Variants in TENM4 observed in about 807,000 individuals in gnomAD.
The protein encoded by TENM4 is teneurin transmembrane protein 4.
TENM4 carries 82 observed loss-of-function variants against 243.3 expected under a neutral mutation model. That is an observed-to-expected ratio of 0.34 (90% CI 0.28 to 0.40). The LOEUF is 0.40. TENM4 is among the 10% of genes least tolerant of loss of function. The probability of loss-of-function intolerance (pLI) is 1.00; values close to 1 mark genes in which losing one functional copy is unlikely to be tolerated. For synonymous variants in TENM4, 1,412 were observed against 1,456.3 expected (o/e 0.97, Z 0.69); for missense variants, 3,138 against 3,673.3 (o/e 0.85, Z 3.77).
intron 6 of TENM4, among the ~76,000 whole-genome samples, chr11:78,965,963 G>A (rs955559403): frequency 6.6e-6 from 1 of 152,142 alleles, no homozygotes; most frequent in East Asian, 1.9e-4. Flanking sequence ...TTTCTGTTTA[G>A]TATGTTTTTT....
At chr11:79,195,144 G>A (rs1863597699) in intron 3 of TENM4, among the ~76,000 whole-genome samples, 1 of 152,228 alleles carries the variant, frequency 6.6e-6, no homozygotes, top group South Asian at 2.1e-4. Context: ...TGAGGTTTGG[G>A]AACCTCTGCC....
intron 9 of TENM4, among the ~76,000 whole-genome samples, chr11:78,885,015 T>C (rs75527890): frequency 0.01 from 1,550 of 152,362 alleles, 20 homozygotes; most frequent in African/African-American, 0.035. Context: ...TTATGAATGA[T>C]AAACAGCAGC....
intron 2 of TENM4, among the ~76,000 whole-genome samples, chr11:79,223,032 G>A (rs987408648): frequency 2.0e-5 from 3 of 152,156 alleles, no homozygotes; most frequent in African/African-American, 7.2e-5. Flanking sequence ...AATGCATGTG[G>A]GGATTAATAA....
intron 19 of TENM4, among the ~76,000 whole-genome samples, chr11:78,746,930 G>C (rs1247625540): frequency 6.6e-6 from 1 of 152,170 alleles, no homozygotes; most frequent in Non-Finnish European, 1.5e-5. Context: ...CATGTGTCTC[G>C]CCTTCTGTCA....
intron 19 of TENM4, among the ~76,000 whole-genome samples, chr11:78,741,792 G>A (rs1477270195): frequency 6.6e-6 from 1 of 152,290 alleles, no homozygotes; most frequent in South Asian, 2.1e-4. Context: ...TGCTTTGAAC[G>A]TAGAACTCCG....
intron 8 of TENM4, among the ~76,000 whole-genome samples, chr11:78,890,767 A>C (rs1243410915): frequency 6.6e-6 from 1 of 152,210 alleles, no homozygotes; most frequent in Non-Finnish European, 1.5e-5. Context: ...TGACCAAACT[A>C]GGTGTCAGGA....
chr11:79,365,688 A>G (rs1340685023), intron 1 of TENM4, among the ~76,000 whole-genome samples: 1 of 152,162 alleles, frequency 6.6e-6, no homozygotes, highest in East Asian at 1.9e-4. Flanking sequence ...TGCATAGGTT[A>G]GTGTTCTACC....
intron 1 of TENM4, among the ~76,000 whole-genome samples, chr11:79,426,528 A>G (rs1590958660): frequency 6.6e-6 from 1 of 152,248 alleles, no homozygotes; most frequent in East Asian, 1.9e-4. Flanking sequence ...GGATCCTGTG[A>G]TCATCCAGAT....
At chr11:78,997,877 G>A (rs1403625036) in intron 6 of TENM4, among the ~76,000 whole-genome samples, 6 of 152,150 alleles carry the variant, frequency 3.9e-5, no homozygotes, top group African/African-American at 1.4e-4. Context: ...AGGTGGGACC[G>A]TGATGACAGG....
chr11:79,380,944 G>C (rs1315487533), intron 1 of TENM4, among the ~76,000 whole-genome samples: 31 of 152,158 alleles, frequency 2.0e-4, no homozygotes, highest in Admixed American at 2.0e-3. Flanking sequence ...TTTCTCAACT[G>C]TCTGGTGAGA....
chr11:79,383,565 A>G (rs1313482216), intron 1 of TENM4, among the ~76,000 whole-genome samples: 1 of 152,190 alleles, frequency 6.6e-6, no homozygotes, highest in Non-Finnish European at 1.5e-5. Flanking sequence ...AACCTGCTCA[A>G]TCACCACCTC....
Position 79,065,472 on chromosome 11 carries a change from A to C in TENM4, c.224-465T>G, listed in dbSNP as rs918475450. On this transcript the variant is annotated intron_variant, in intron 5 of 33. Transcript: ENST00000278550. Reference sequence around the variant, plus strand: ...GCAGTACTCAGAAGGGGCTCAATAAATGCTTGTTAAAATGAATTGAGGGCT... The same window carrying C: ...GCAGTACTCAGAAGGGGCTCAATAACTGCTTGTTAAAATGAATTGAGGGCT... Among the ~76,000 whole-genome samples the C allele has an allele frequency of 3.0e-4, 45 of 152,182 alleles. 1 individual carries two copies. Among genetic ancestry groups the C allele is most frequent in the Admixed American group, 7.8e-4 (12 of 15,290 alleles).
chr11:78,987,745 C>T (rs1023829924), intron 6 of TENM4, among the ~76,000 whole-genome samples: 1 of 152,196 alleles, frequency 6.6e-6, no homozygotes, highest in African/African-American at 2.4e-5. Context: ...TAGCCACTTT[C>T]TATCTTGTAG....
chr11:78,668,562 G>T (rs1296569927), intron 32 of TENM4, among the ~76,000 whole-genome samples: 1 of 152,054 alleles, frequency 6.6e-6, no homozygotes, highest in Non-Finnish European at 1.5e-5. Context: ...TGCAATCCAT[G>T]GGATGTATCC....
At chr11:79,389,730 TC>T (rs1315967493) in intron 1 of TENM4, among the ~76,000 whole-genome samples, 5 of 152,194 alleles carry the variant, frequency 3.3e-5, no homozygotes, top group African/African-American at 4.8e-5. Context: ...CAAAATGTTA[TC>T]CCCCACAAAA....
intron 6 of TENM4, among the ~76,000 whole-genome samples, chr11:78,913,281 T>C (rs1202285731): frequency 6.6e-6 from 1 of 152,164 alleles, no homozygotes; most frequent in Non-Finnish European, 1.5e-5. Flanking sequence ...TTGTCCTCGA[T>C]ACTGGAGACA....
At chr11:78,928,779 T>G (rs1180868985) in intron 6 of TENM4, among the ~76,000 whole-genome samples, 1 of 152,222 alleles carries the variant, frequency 6.6e-6, no homozygotes, top group Non-Finnish European at 1.5e-5. Flanking sequence ...GGAGCAGGCT[T>G]TAAAGTGACA....
chr11:79,213,304 A>G (rs1863986938), intron 3 of TENM4, among the ~76,000 whole-genome samples: 1 of 152,196 alleles, frequency 6.6e-6, no homozygotes, highest in Non-Finnish European at 1.5e-5. Flanking sequence ...AGTGCCTGCC[A>G]TGTGCCAGGC....
In TENM4 at chr11:79,052,711, C is replaced by T. The variant is rs941978493; in HGVS notation, c.493+12027G>A. Among the ~76,000 whole-genome samples the T allele has an allele frequency of 3.3e-5, 5 of 152,178 alleles. 1 individual carries two copies. The highest frequency in any genetic ancestry group is 2.9e-5 in the Non-Finnish European group (2 of 68,038). ...ATGCACCCTTTCAGTCTCTTGGGGTCGCCATCTGCTGGCCTCTCAGCCAAT... is the reference window on the plus strand; with the variant it reads ...ATGCACCCTTTCAGTCTCTTGGGGTTGCCATCTGCTGGCCTCTCAGCCAAT... On this transcript the variant is annotated intron_variant, in intron 6 of 33. Transcript: ENST00000278550.
Sources: allele counts gnomAD v4.1 joint callset (sites outside exome capture counted in the v4.1 genomes callset), GRCh38; gene constraint gnomAD v4.1.1; transcripts MANE v1.5; gene names NCBI Gene and HGNC (gene_info 2026-07-23, HGNC 2026-07-21).